MPHOSPH9: variants seen among roughly 807,000 people sequenced by gnomAD.
MPHOSPH9 encodes M-phase phosphoprotein 9.
MPHOSPH9 carries 88 observed loss-of-function variants against 145.5 expected under a neutral mutation model. The ratio of observed to expected loss-of-function variants is 0.60; its 90% CI spans 0.51 to 0.72. The LOEUF (loss-of-function observed/expected upper bound fraction) is 0.72. Ranked by LOEUF, MPHOSPH9 falls within the 30% of genes least tolerant of loss-of-function variation. MPHOSPH9 has a pLI of 0.00. For missense variants in MPHOSPH9, 1,238 were observed against 1,386.6 expected (o/e 0.89, Z 1.70); for synonymous variants, 435 against 486.2 (o/e 0.89, Z 1.39).
At chr12:123,217,870 C>T (rs1200287242) in intron 6 of MPHOSPH9, among the ~76,000 whole-genome samples, 1 of 151,864 alleles carries the variant, frequency 6.6e-6, no homozygotes, top group Non-Finnish European at 1.5e-5. Flanking sequence ...ATGGTGAAAC[C>T]CTGTCTCTAC....
chr12:123,186,194 T>A (rs1400694848), intron 13 of MPHOSPH9, among the ~76,000 whole-genome samples: 1 of 130,002 alleles, frequency 7.7e-6, no homozygotes, highest in Non-Finnish European at 1.5e-5. Flanking sequence ...GCCATTGCAC[T>A]CCAGCCTGGG....
At position 123,164,042 on chromosome 12, in the gene MPHOSPH9, T is replaced by C; in HGVS notation, c.2816A>G (p.Glu939Gly). 6.2e-7 allele frequency: 1 copy of C among 1,614,192 alleles called. No individual in the cohort carries two copies. The highest frequency in any genetic ancestry group is 8.5e-7 in the Non-Finnish European group (1 of 1,180,044). The change falls in exon 19 of 24, where the codon GAA becomes GGA. Residue 939 changes from glutamate (E) to glycine (G), a missense_variant. Physicochemically the swap from Glu to Gly is moderately conservative, Grantham distance 98 (BLOSUM62 -2). Coordinates refer to ENST00000606320, the MANE Select transcript of MPHOSPH9 (RefSeq NM_022782.4). The part of the protein sequence containing the change: ...ETSVNASRSP[E>G]KCAQQRQKRL... The stretch of plus-strand genomic sequence containing the variant: ...CTTTTGTCTCTGTTGGGCACACTTT[T>C]CTGGAGAACGACTTGCATTAACTGA...
intron 5 of MPHOSPH9, among the ~76,000 whole-genome samples, chr12:123,221,147 T>C (rs2047183927): frequency 6.6e-6 from 1 of 152,244 alleles, no homozygotes; most frequent in Non-Finnish European, 1.5e-5. Flanking sequence ...ATCTTTTCTA[T>C]TTTCTGGCAA....
At chr12:123,185,003 C>T (rs2045375872) in intron 13 of MPHOSPH9, among the ~76,000 whole-genome samples, 1 of 151,992 alleles carries the variant, frequency 6.6e-6, no homozygotes, top group East Asian at 1.9e-4. Context: ...AGGGTTTCAC[C>T]ATGTTGGCCA....
rs184868897 is a variant in MPHOSPH9, at chr12:123,230,069, G to A, written c.104+192C>T. 4.8e-4 allele frequency: 190 copies of A among 395,908 alleles called. 1 individual carries two copies. In the East Asian group the frequency reaches 9.3e-3, roughly 19 times the overall value. The allele number at this position is 395,908 out of a possible 1,614,324, so 24.5% of individuals were successfully genotyped here. A position where few individuals can be genotyped will look rare whatever the true frequency, so the allele number is the denominator to read the frequency against. On this transcript the variant is annotated intron_variant, in intron 2 of 23. Transcript: ENST00000606320. ...ACTCCTGGCCTCAGGTGATCCACCC[G>A]CCTCAGCCTACCAAGGTGCTGGGAT...
intron 23 of MPHOSPH9, 23 bp from the exon 24 acceptor site, chr12:123,156,931 G>A (rs1565889929): frequency 1.9e-6 from 3 of 1,567,158 alleles, no homozygotes; most frequent in Non-Finnish European, 2.6e-6. Flanking sequence ...AATGGGAAAA[G>A]TTTAATTAGA....
At chr12:123,189,340 A>C (rs2045576726) in intron 13 of MPHOSPH9, among the ~76,000 whole-genome samples, 2 of 152,216 alleles carry the variant, frequency 1.3e-5, no homozygotes. Context: ...AAGCTCCTGA[A>C]CAACAGAGTC....
At chr12:123,192,037 G>A (rs1402429603) in intron 13 of MPHOSPH9, among the ~76,000 whole-genome samples, 1 of 152,038 alleles carries the variant, frequency 6.6e-6, no homozygotes, top group Non-Finnish European at 1.5e-5. Flanking sequence ...AGGAAAGAGG[G>A]AAGCTCCTTT....
Position 123,203,035 on chromosome 12 carries a change from G to A in MPHOSPH9, c.1370C>T (p.Ser457Leu). 2 of 1,614,174 alleles carry A rather than the reference G, an allele frequency of 1.2e-6. No individual in the cohort carries two copies. The highest frequency in any genetic ancestry group is 8.5e-7 in the Non-Finnish European group (1 of 1,180,032). ...TLHMKPKQQI[S>L]GIQPHGLPNA... Reference sequence around the variant, plus strand: ...CGGAAGGCCGTGAGGTTGAATCCCTGAAATCTGCTGCTTTGGCTTCATGTG... The same window carrying A: ...CGGAAGGCCGTGAGGTTGAATCCCTAAAATCTGCTGCTTTGGCTTCATGTG... Residue 457 changes from serine to leucine, a missense_variant, in exon 10 of 24, where the codon TCA (serine) becomes TTA (leucine). Physicochemically the swap from Ser to Leu is moderately radical, Grantham distance 145. Around this residue, in one of 3 missense-constraint regions of MPHOSPH9, gnomAD observed 837 missense variants for 897.5 expected, o/e 0.93. Transcript: ENST00000606320.
chr12:123,189,858 C>A (rs2045599500), intron 13 of MPHOSPH9, among the ~76,000 whole-genome samples: 1 of 151,846 alleles, frequency 6.6e-6, no homozygotes, highest in South Asian at 2.1e-4. Context: ...ATGGCACAAA[C>A]CCGGGAGGCG....
intron 7 of MPHOSPH9, among the ~76,000 whole-genome samples, chr12:123,213,239 A>G (rs187816636): frequency 3.3e-5 from 5 of 152,252 alleles, no homozygotes; most frequent in South Asian, 2.1e-4. Context: ...TTTGTGTTAG[A>G]TAATTTTGCC....
At chr12:123,169,365 G>T (rs1187010035) in intron 16 of MPHOSPH9, among the ~76,000 whole-genome samples, 1 of 151,342 alleles carries the variant, frequency 6.6e-6, no homozygotes, top group East Asian at 2.1e-4. Context: ...CAGGTGTGGT[G>T]ACGGGCACCT....
At chr12:123,161,951 A>G (rs2044127792) in intron 21 of MPHOSPH9, among the ~76,000 whole-genome samples, 164 bp downstream of exon 21, 1 of 152,324 alleles carries the variant, frequency 6.6e-6, no homozygotes, top group African/African-American at 2.4e-5. Flanking sequence ...GGATAACAAC[A>G]TTGACATAAC....
chr12:123,164,521 T>C (rs2044231394), intron 18 of MPHOSPH9, among the ~76,000 whole-genome samples: 2 of 152,196 alleles, frequency 1.3e-5, no homozygotes, highest in Admixed American at 1.3e-4. Flanking sequence ...GACCTGGACC[T>C]GTGAAAAAAC....
intron 16 of MPHOSPH9, among the ~76,000 whole-genome samples, chr12:123,171,893 G>A (rs772513474): frequency 6.6e-5 from 10 of 152,044 alleles, no homozygotes; most frequent in Non-Finnish European, 1.3e-4. Flanking sequence ...ACACTATAAA[G>A]ACAACTAAAG....
Position 123,176,910 on chromosome 12 carries a change from G to A in MPHOSPH9, c.2355-121C>T, listed in dbSNP as rs2044894741. 1.1e-5 allele frequency: 8 copies of A among 726,208 alleles called. No homozygotes were observed. The East Asian group carries it at 2.2e-4, about 20-fold the overall frequency. The allele number at this position is 726,208 out of a possible 1,614,324, so 45.0% of individuals were successfully genotyped here. On this transcript the variant is annotated intron_variant, in intron 15 of 23. Coordinates refer to ENST00000606320, the MANE Select transcript of MPHOSPH9 (RefSeq NM_022782.4). ...GGTGGTAAAAGAGTTGCAAGTCCAT[G>A]GCCGGGAATGGTGGCTCACCCCTGT...
intron 1 of MPHOSPH9, among the ~76,000 whole-genome samples, chr12:123,239,400 T>C (rs1396635706): frequency 7.5e-5 from 6 of 80,052 alleles, no homozygotes; most frequent in Admixed American, 5.8e-4. Flanking sequence ...AGCATTAGTT[T>C]TGTTTTTTTG....
chr12:123,179,376 C>T (rs773687350), intron 15 of MPHOSPH9, among the ~76,000 whole-genome samples: 14 of 152,102 alleles, frequency 9.2e-5, no homozygotes, highest in Non-Finnish European at 1.6e-4. Context: ...GAGTTCAAGA[C>T]CAGTCTGGCC....
chr12:123,206,464 G>A (rs1385509902), intron 8 of MPHOSPH9, among the ~76,000 whole-genome samples: 1 of 149,540 alleles, frequency 6.7e-6, no homozygotes, highest in African/African-American at 2.5e-5. Context: ...CGTGAAGAAA[G>A]AAAGAGAGAA....
Sources: gnomAD v4.1 joint callset for allele counts (sites outside exome capture counted in the v4.1 genomes callset) on GRCh38, gnomAD v4.1.1 for gene constraint, gnomAD v4.1.1 regional missense constraint, MANE v1.5 for transcripts, NCBI Gene and HGNC (gene_info 2026-07-23, HGNC 2026-07-21) for gene names.